SUDS3: variants seen among roughly 807,000 people sequenced by gnomAD.
The protein encoded by SUDS3 is SIN3A corepressor complex component SDS3.
SUDS3 carries 23 observed loss-of-function variants against 53.5 expected under a neutral mutation model. The ratio of observed to expected loss-of-function variants is 0.43; its 90% CI spans 0.31 to 0.61. SUDS3 has a LOEUF of 0.61. Among genes scored for constraint, SUDS3 ranks in the 20% least tolerant of loss-of-function variants. The probability of loss-of-function intolerance (pLI) is 0.10; values close to 1 mark genes in which losing one functional copy is unlikely to be tolerated. For missense variants in SUDS3, 291 were observed against 405.9 expected (o/e 0.72, Z 2.43); for synonymous variants, 150 against 148.5 (o/e 1.01, Z -0.08).
intron 4 of SUDS3, among the ~76,000 whole-genome samples, chr12:118,388,143 G>A (rs1185368077): frequency 2.0e-5 from 3 of 152,250 alleles, no homozygotes; most frequent in African/African-American, 7.2e-5. Context: ...TGGGTTGGGT[G>A]TGCCTGGGTT....
intron 10 of SUDS3, among the ~76,000 whole-genome samples, chr12:118,410,199 C>G (rs2046345895): frequency 6.6e-6 from 1 of 152,204 alleles, no homozygotes; most frequent in African/African-American, 2.4e-5. Context: ...CCGTGGTACA[C>G]AGTAAGTGCT....
chr12:118,410,297 A>T (rs920122544), intron 10 of SUDS3, among the ~76,000 whole-genome samples: 1 of 152,222 alleles, frequency 6.6e-6, no homozygotes, highest in Non-Finnish European at 1.5e-5. Context: ...GAAAATAAAT[A>T]ACGGTGGCTT....
intron 2 of SUDS3, among the ~76,000 whole-genome samples, chr12:118,382,834 AT>A (rs56199413): frequency 6.1e-5 from 9 of 147,182 alleles, no homozygotes; most frequent in South Asian, 2.2e-4. Context: ...CGTCTGGCTA[AT>A]TTTTTTTTTT....
At chr12:118,408,369 T>G (rs2046327455) in intron 10 of SUDS3, among the ~76,000 whole-genome samples, 1 of 150,842 alleles carries the variant, frequency 6.6e-6, no homozygotes, top group African/African-American at 2.4e-5. Flanking sequence ...AGTCTCGTTC[T>G]TCCAGCCAGG....
intron 1 of SUDS3, among the ~76,000 whole-genome samples, chr12:118,379,687 G>A (rs2046036690): frequency 6.6e-6 from 1 of 152,198 alleles, no homozygotes; most frequent in Admixed American, 6.5e-5. Flanking sequence ...ACTGCCTGCA[G>A]TGTCCAGTCT....
chr12:118,406,790 C>G (rs570125694), intron 10 of SUDS3, among the ~76,000 whole-genome samples: 3 of 117,696 alleles, frequency 2.5e-5, no homozygotes, highest in Non-Finnish European at 5.1e-5. Context: ...TAAATTTCTT[C>G]CCCCCCCTTT....
intron 7 of SUDS3, 94 bp downstream of exon 7, chr12:118,400,848 C>T: frequency 8.6e-7 from 1 of 1,168,752 alleles, no homozygotes; most frequent in Non-Finnish European, 1.3e-6. Flanking sequence ...GGCCGTTGTC[C>T]TACAGAAAAT....
chr12:118,380,340 C>G (rs1385832267), intron 2 of SUDS3, 109 bp downstream of exon 2: 1 of 946,014 alleles, frequency 1.1e-6, no homozygotes, highest in Non-Finnish European at 1.6e-6. Flanking sequence ...CTAAAACTTC[C>G]TGAGTGCCAG....
chr12:118,413,013 A>G (rs2046371931), intron 11 of SUDS3, among the ~76,000 whole-genome samples: 1 of 152,188 alleles, frequency 6.6e-6, no homozygotes, highest in Non-Finnish European at 1.5e-5. Flanking sequence ...TTTGGTGGGT[A>G]GCTCTGAGTG....
At chr12:118,396,520 G>C (rs1319515477) in intron 6 of SUDS3, among the ~76,000 whole-genome samples, 1 of 152,208 alleles carries the variant, frequency 6.6e-6, no homozygotes, top group African/African-American at 2.4e-5. Context: ...CCCCCAAAGT[G>C]CTGGCATTAC....
chr12:118,384,905 T>A (rs1441034439), intron 3 of SUDS3, among the ~76,000 whole-genome samples: 1 of 152,012 alleles, frequency 6.6e-6, no homozygotes, highest in South Asian at 2.1e-4. Context: ...CTTCTAGTAA[T>A]GTGACCTTGG....
intron 11 of SUDS3, among the ~76,000 whole-genome samples, 164 bp from the exon 12 acceptor site, chr12:118,414,171 G>C (rs1006892662): frequency 6.6e-6 from 1 of 152,230 alleles, no homozygotes; most frequent in African/African-American, 2.4e-5. Flanking sequence ...GATGGCCCGA[G>C]GTCAGGGGTG....
chr12:118,413,893 A>G (rs1486368353), intron 11 of SUDS3, among the ~76,000 whole-genome samples: 1 of 152,188 alleles, frequency 6.6e-6, no homozygotes, highest in Non-Finnish European at 1.5e-5. Context: ...CTTCATTGCC[A>G]GGAAACCAAA....
At chr12:118,411,665 T>G (rs149010314) in intron 11 of SUDS3, among the ~76,000 whole-genome samples, 4,922 of 151,894 alleles carry the variant, frequency 0.032, 284 homozygotes, top group East Asian at 0.25. Flanking sequence ...GCCCGGCTAA[T>G]TTTTGTATTT....
chr12:118,407,257 G>A (rs1461888373), intron 10 of SUDS3, among the ~76,000 whole-genome samples: 1 of 152,118 alleles, frequency 6.6e-6, no homozygotes, highest in East Asian at 1.9e-4. Flanking sequence ...TGGTATCTAG[G>A]GATAATGGTT....
chr12:118,399,756 G>A (rs966818374), intron 6 of SUDS3, among the ~76,000 whole-genome samples: 1 of 152,168 alleles, frequency 6.6e-6, no homozygotes, highest in East Asian at 1.9e-4. Flanking sequence ...GGGATAGATT[G>A]GATGTCCCTG....
At chr12:118,378,838 GC>G (rs1593747772) in intron 1 of SUDS3, among the ~76,000 whole-genome samples, 1 of 152,216 alleles carries the variant, frequency 6.6e-6, no homozygotes, top group East Asian at 1.9e-4. Flanking sequence ...GCCACCCCCA[GC>G]TAATTTTGTA....
chr12:118,407,561 A>G (rs1208727313), intron 10 of SUDS3, among the ~76,000 whole-genome samples: 1 of 152,096 alleles, frequency 6.6e-6, no homozygotes, highest in Non-Finnish European at 1.5e-5. Context: ...AGTCAGTTGA[A>G]TTTCTTGGGT....
At chr12:118,403,808 T>G (rs1244260454) in intron 10 of SUDS3, among the ~76,000 whole-genome samples, 1 of 152,192 alleles carries the variant, frequency 6.6e-6, no homozygotes, top group African/African-American at 2.4e-5. Context: ...CAACTGGGGC[T>G]GGGGTGTATG....
Sources: allele counts gnomAD v4.1 joint callset (sites outside exome capture counted in the v4.1 genomes callset), GRCh38; gene constraint gnomAD v4.1.1; transcripts MANE v1.5; gene names NCBI Gene and HGNC (gene_info 2026-07-23, HGNC 2026-07-21).